The following JAM2 variants were observed in gnomAD, a reference collection of about 807,000 sequenced individuals.
The protein encoded by JAM2 is junctional adhesion molecule B.
A neutral mutation model predicts 42.0 loss-of-function variants in JAM2; 17 were observed. The ratio of observed to expected loss-of-function variants is 0.40; its 90% confidence interval spans 0.28 to 0.61. The LOEUF (loss-of-function observed/expected upper bound fraction) is 0.61. Ranked by LOEUF, JAM2 falls within the 20% of genes least tolerant of loss-of-function variation. The pLI is 0.37. For synonymous variants in JAM2, 118 were observed against 128.6 expected (o/e 0.92, Z 0.56); for missense variants, 319 against 358.3 (o/e 0.89, Z 0.89).
chr21:25,648,210 CAAAAAA>C (rs59902984), intron 1 of JAM2, among the ~76,000 whole-genome samples: 1 of 147,106 alleles, frequency 6.8e-6, no homozygotes, highest in Non-Finnish European at 1.5e-5. Flanking sequence ...GATTCTGTCT[CAAAAAA>C]AAAAATTCAC....
rs1173553091 is a variant in JAM2 at position 25,712,317 on chromosome 21, TGTC to T, written c.822-22_822-20del. On this transcript the variant is annotated intron_variant, in intron 8 of 9. Coordinates refer to ENST00000480456, the MANE Select transcript of JAM2 (RefSeq NM_021219.4). ...TTGGAAGTGATAATGTAGTAAATAT[TGTC>T]TTTTATATTCCACAAACAGGAAGAG... The T allele has an allele frequency of 1.3e-6, 2 of 1,526,090 alleles. No individual in the cohort carries two copies. Among genetic ancestry groups the T allele is most frequent in the Admixed American group, 1.7e-5 (1 of 59,310 alleles). The allele number at this position is 1,526,090 out of a possible 1,614,324, so 94.5% of individuals were successfully genotyped here.
At chr21:25,706,177 T>C in intron 7 of JAM2, 91 bp downstream of exon 7, 1 of 643,976 alleles carries the variant, frequency 1.6e-6, no homozygotes, top group Non-Finnish European at 2.5e-6. Context: ...AGTTGTTTTT[T>C]TGTTTGTTTG....
At chr21:25,672,743 G>C (rs1175741052) in intron 1 of JAM2, among the ~76,000 whole-genome samples, 2 of 152,160 alleles carry the variant, frequency 1.3e-5, no homozygotes, top group African/African-American at 4.8e-5. Flanking sequence ...ACCCAGGCTT[G>C]TTGTTCTTTC....
chr21:25,652,563 A>C (rs1157000383), intron 1 of JAM2, among the ~76,000 whole-genome samples: 1 of 152,218 alleles, frequency 6.6e-6, no homozygotes, highest in Admixed American at 6.5e-5. Flanking sequence ...AAACTTTAGT[A>C]CTTTAAAATA....
At chr21:25,659,530 A>G (rs1311835941) in intron 1 of JAM2, among the ~76,000 whole-genome samples, 2 of 152,298 alleles carry the variant, frequency 1.3e-5, no homozygotes, top group East Asian at 1.9e-4. Context: ...AACAGGATCA[A>G]TCGGAAAGCA....
At chr21:25,666,680 G>A (rs1325929613) in intron 1 of JAM2, among the ~76,000 whole-genome samples, 2 of 151,938 alleles carry the variant, frequency 1.3e-5, no homozygotes, top group East Asian at 3.9e-4. Flanking sequence ...GGGACAACAG[G>A]AGCACATACC....
intron 7 of JAM2, among the ~76,000 whole-genome samples, chr21:25,707,635 G>A (rs2034299748): frequency 6.6e-6 from 1 of 152,130 alleles, no homozygotes; most frequent in African/African-American, 2.4e-5. Flanking sequence ...TGATGTAAAT[G>A]GGTGGGATTT....
chr21:25,659,142 A>T (rs1054090205), intron 1 of JAM2, among the ~76,000 whole-genome samples: 1 of 152,228 alleles, frequency 6.6e-6, no homozygotes, highest in South Asian at 2.1e-4. Flanking sequence ...AAATATCCAA[A>T]AATGAACACA....
intron 1 of JAM2, among the ~76,000 whole-genome samples, chr21:25,672,475 T>C (rs1016859183): frequency 2.0e-5 from 3 of 152,180 alleles, no homozygotes; most frequent in Non-Finnish European, 2.9e-5. Context: ...CAATACCTAA[T>C]CTTAAAAATG....
chr21:25,652,397 G>C (rs540020667), intron 1 of JAM2, among the ~76,000 whole-genome samples: 1 of 147,554 alleles, frequency 6.8e-6, no homozygotes, highest in Admixed American at 6.7e-5. Context: ...GTCTCTAAAA[G>C]AAAAAAAAAG....
intron 1 of JAM2, among the ~76,000 whole-genome samples, chr21:25,656,900 G>A (rs1380214217): frequency 6.6e-6 from 1 of 152,174 alleles, no homozygotes; most frequent in East Asian, 1.9e-4. Flanking sequence ...GCTGAGTAAT[G>A]ATGAGACCAA....
At chr21:25,662,142 T>A (rs1195081443) in intron 1 of JAM2, among the ~76,000 whole-genome samples, 2 of 152,196 alleles carry the variant, frequency 1.3e-5, no homozygotes, top group Non-Finnish European at 2.9e-5. Context: ...TTAATACTTT[T>A]TTTTATTTTA....
chr21:25,714,410 A>G, intron 9 of JAM2: 2 of 450,982 alleles, frequency 4.4e-6, no homozygotes, highest in South Asian at 4.5e-5. Flanking sequence ...AGACAGGAGA[A>G]TCACTTGAAC....
Position 25,694,835 on chromosome 21 carries a change from CA to C in JAM2, c.394+941del, listed in dbSNP as rs778496287. On this transcript the variant is annotated intron_variant, in intron 4 of 9. Coordinates refer to ENST00000480456, the MANE Select transcript of JAM2 (RefSeq NM_021219.4). Reference sequence around the variant, plus strand: ...AACCTGGGAGACAGCAGGACTTTCTCAAAAAAAAAAAAAATAAAAAGAATCA... The same window carrying C: ...AACCTGGGAGACAGCAGGACTTTCTCAAAAAAAAAAAAATAAAAAGAATCA... Among the ~76,000 whole-genome samples, 374 of 129,926 alleles carry C rather than the reference CA, an allele frequency of 2.9e-3. 1 individual carries two copies. Among genetic ancestry groups the C allele is most frequent in the Admixed American group, 4.9e-3 (62 of 12,772 alleles). 85.2% of individuals were successfully genotyped at this position (129,926 alleles called of 152,430 possible).
At chr21:25,668,952 T>G (rs1256647939) in intron 1 of JAM2, among the ~76,000 whole-genome samples, 1 of 152,108 alleles carries the variant, frequency 6.6e-6, no homozygotes, top group Non-Finnish European at 1.5e-5. Context: ...TAAATTATGT[T>G]TTACAGAGGA....
chr21:25,691,973 C>T (rs1022286050), intron 3 of JAM2, among the ~76,000 whole-genome samples: 1 of 150,874 alleles, frequency 6.6e-6, no homozygotes, highest in African/African-American at 2.4e-5. Flanking sequence ...CACGCCACTG[C>T]ACTCCAGCCT....
intron 3 of JAM2, among the ~76,000 whole-genome samples, chr21:25,690,475 ACAC>A (rs1329437863): frequency 6.6e-6 from 1 of 151,984 alleles, no homozygotes; most frequent in Non-Finnish European, 1.5e-5. Context: ...CTACAGGTGC[ACAC>A]CAGTATGCTC....
chr21:25,706,028 A>AGTGATTTCCGTTTGTGGCCTTG lies in JAM2; in HGVS notation c.751_772dup (p.Val258AspfsTer27). Reference sequence around the variant, plus strand: ...TAGCAGCCGTAGTAGTTGTGGCCTTAGTGATTTCCGTTTGTGGCCTTGGTG... The same window carrying AGTGATTTCCGTTTGTGGCCTTG: ...TAGCAGCCGTAGTAGTTGTGGCCTTAGTGATTTCCGTTTGTGGCCTTGGTGATTTCCGTTTGTGGCCTTGGTG... On this transcript the variant is annotated frameshift_variant, in exon 7 of 10. Transcript: ENST00000480456. LOFTEE classifies it high-confidence loss of function. 6.2e-7 allele frequency: 1 copy of AGTGATTTCCGTTTGTGGCCTTG among 1,614,014 alleles called. No homozygotes were observed. Among genetic ancestry groups the AGTGATTTCCGTTTGTGGCCTTG allele is most frequent in the Non-Finnish European group, 8.5e-7 (1 of 1,179,866 alleles).
At chr21:25,667,883 C>T (rs997610628) in intron 1 of JAM2, among the ~76,000 whole-genome samples, 4 of 151,888 alleles carry the variant, frequency 2.6e-5, no homozygotes, top group Non-Finnish European at 5.9e-5. Flanking sequence ...AATTGTATAT[C>T]GTTTGAAAAT....
Sources: gnomAD v4.1 joint callset for allele counts (sites outside exome capture counted in the v4.1 genomes callset) on GRCh38, gnomAD v4.1.1 for gene constraint, MANE v1.5 for transcripts, NCBI Gene and HGNC (gene_info 2026-07-23, HGNC 2026-07-21) for gene names.